DENND11: variants seen among roughly 807,000 people sequenced by gnomAD.
DENND11 encodes the protein DENN domain-containing protein 11.
Under a neutral mutation model 49.2 loss-of-function variants are expected in DENND11, and 34 were observed. That is an observed-to-expected ratio of 0.69 (90% CI 0.53 to 0.92). The LOEUF (loss-of-function observed/expected upper bound fraction) is 0.92. Among genes scored for constraint, DENND11 ranks in the 40% least tolerant of loss-of-function variants. The probability of loss-of-function intolerance (pLI) is 0.00; values close to 1 mark genes in which losing one functional copy is unlikely to be tolerated. For synonymous variants in DENND11, 238 were observed against 230.3 expected (o/e 1.03, Z -0.30); for missense variants, 475 against 581.6 (o/e 0.82, Z 1.88).
In DENND11 at chr7:141,661,493, C is replaced by T. The variant is rs1191521827; in HGVS notation, c.*1163G>A. The stretch of plus-strand genomic sequence containing the variant: ...CCACTGTCCCGGGTGAAGGCACTGC[C>T]ACATTTTCTCTCAACAAATCTGTTA... On this transcript the variant is annotated 3_prime_UTR_variant, in exon 9 of 9. Transcript: ENST00000536163. 6.6e-6 allele frequency: 1 copy of T among 152,226 alleles called. No homozygotes were observed. Among genetic ancestry groups the T allele is most frequent in the African/African-American group, 2.4e-5 (1 of 41,428 alleles). The allele number at this position is 152,226 out of a possible 1,614,324, so 9.4% of individuals were successfully genotyped here.
intron 3 of DENND11, among the ~76,000 whole-genome samples, chr7:141,676,162 C>G (rs1798057755): frequency 6.6e-6 from 1 of 152,192 alleles, no homozygotes; most frequent in Non-Finnish European, 1.5e-5. Context: ...CTAAAAAGAA[C>G]ACTGAGAATC....
At position 141,660,744 on chromosome 7, in the gene DENND11, T is replaced by A. The variant is rs567399658; in HGVS notation, c.*1912A>T. On this transcript the variant is annotated 3_prime_UTR_variant, in exon 9 of 9. Transcript: ENST00000536163. ...CTCAGGATACCACGAAAAATAACCA[T>A]TACTTGACAGAAAGGACCCCTCAAC... 1 of 152,576 alleles carries A rather than the reference T, an allele frequency of 6.6e-6. No homozygotes were observed. The highest frequency in any genetic ancestry group is 2.4e-5 in the African/African-American group (1 of 41,508). The allele number at this position is 152,576 out of a possible 1,614,324, so 9.5% of individuals were successfully genotyped here. A position where few individuals can be genotyped will look rare whatever the true frequency, so the allele number is the denominator to read the frequency against.
chr7:141,662,924 G>C, intron 8 of DENND11, 73 bp from the exon 9 acceptor site: 1 of 1,149,650 alleles, frequency 8.7e-7, no homozygotes, highest in Non-Finnish European at 1.2e-6. Context: ...TCCACATATG[G>C]GGAACCAAAA....
chr7:141,664,499 C>T (rs1459297740), intron 7 of DENND11, among the ~76,000 whole-genome samples: 2 of 152,146 alleles, frequency 1.3e-5, no homozygotes, highest in African/African-American at 2.4e-5. Context: ...CACAGGATCA[C>T]CAGATTATTG....
chr7:141,701,730 C>G, intron 1 of DENND11, 156 bp downstream of exon 1: 1 of 564,584 alleles, frequency 1.8e-6, no homozygotes, highest in Non-Finnish European at 2.4e-6. Flanking sequence ...TGGCCGACCC[C>G]CGCCCTTCCC....
chr7:141,700,544 A>G (rs1272771700), intron 1 of DENND11, among the ~76,000 whole-genome samples: 2 of 152,106 alleles, frequency 1.3e-5, no homozygotes, highest in Non-Finnish European at 2.9e-5. Flanking sequence ...CTACTTCATG[A>G]AATGTCTATT....
Position 141,674,107 on chromosome 7 carries a change from C to T in DENND11, c.641G>A (p.Trp214Ter), listed in dbSNP as rs1000982752. The T allele has an allele frequency of 3.7e-6, 6 of 1,602,458 alleles. No homozygotes were observed. The highest frequency in any genetic ancestry group is 5.1e-6 in the Non-Finnish European group (6 of 1,174,810). Residue 214 changes from tryptophan to a stop codon, truncating the protein, a stop_gained, in exon 4 of 9, where the codon TGG becomes TAG. Coordinates refer to ENST00000536163, the MANE Select transcript of DENND11 (RefSeq NM_001080392.2). LOFTEE classifies it high-confidence loss of function. Reference protein sequence around the residue: ...GRGSSLPPVYWLPSIHRYMYP... With the variant: ...GRGSSLPPVY The stretch of plus-strand genomic sequence containing the variant: ...CATGTATCGGTGGATGGAAGGCAGC[C>T]AGTAGACAGGGGGCAGGCTGCTGCC...
At chr7:141,685,273 C>G (rs1171593354) in intron 3 of DENND11, among the ~76,000 whole-genome samples, 1 of 152,008 alleles carries the variant, frequency 6.6e-6, no homozygotes, top group Non-Finnish European at 1.5e-5. Context: ...GAATATACCC[C>G]AGCTTTCATT....
chr7:141,699,338 C>T (rs1479670395), intron 1 of DENND11, among the ~76,000 whole-genome samples: 1 of 152,078 alleles, frequency 6.6e-6, no homozygotes, highest in Non-Finnish European at 1.5e-5. Flanking sequence ...CTCTGAGGGC[C>T]CTGTCCTAGT....
intron 3 of DENND11, among the ~76,000 whole-genome samples, chr7:141,682,749 T>C (rs1029136316): frequency 1.3e-5 from 2 of 152,172 alleles, no homozygotes; most frequent in South Asian, 4.1e-4. Flanking sequence ...AATCCGGCCA[T>C]AGTAATTTTG....
rs1273010016 is a variant in DENND11 at position 141,661,619 on chromosome 7, T to A, written c.*1037A>T. 6.6e-6 allele frequency: 1 copy of A among 152,236 alleles called. No individual in the cohort carries two copies. The highest frequency in any genetic ancestry group is 1.5e-5 in the Non-Finnish European group (1 of 68,060). The allele number at this position is 152,236 out of a possible 1,614,324, so 9.4% of individuals were successfully genotyped here. A position where few individuals can be genotyped will look rare whatever the true frequency, so the allele number is the denominator to read the frequency against. ...ATGATAAACCGTCTTGTTAGCATCA[T>A]GCTCCACCCTCTGAGTTAACCAGCT... On this transcript the variant is annotated 3_prime_UTR_variant, in exon 9 of 9. Coordinates refer to ENST00000536163, the MANE Select transcript of DENND11 (RefSeq NM_001080392.2).
At chr7:141,666,606 G>A (rs1387080730) in intron 4 of DENND11, among the ~76,000 whole-genome samples, 181 bp from the exon 5 acceptor site, 2 of 152,066 alleles carry the variant, frequency 1.3e-5, no homozygotes, top group Non-Finnish European at 2.9e-5. Context: ...CTTTAAACTG[G>A]ATTTCTATAA....
chr7:141,686,928 G>A (rs1188430963), intron 1 of DENND11, among the ~76,000 whole-genome samples: 1 of 152,102 alleles, frequency 6.6e-6, no homozygotes, highest in Non-Finnish European at 1.5e-5. Flanking sequence ...CTGTCATTCT[G>A]CTCAACCACT....
chr7:141,662,635 T>G lies in DENND11; in HGVS notation c.*21A>C. ...CTGCTGACATCCCACGTGAAGTGGC[T>G]CCCAGTCCTGTTGGCTCCTCCTACG... On this transcript the variant is annotated 3_prime_UTR_variant, in exon 9 of 9. Coordinates refer to ENST00000536163, the MANE Select transcript of DENND11 (RefSeq NM_001080392.2). 1 of 1,524,362 alleles carries G rather than the reference T, an allele frequency of 6.6e-7. No individual in the cohort carries two copies. Among genetic ancestry groups the G allele is most frequent in the Non-Finnish European group, 8.8e-7 (1 of 1,137,090 alleles). The allele number at this position is 1,524,362 out of a possible 1,614,324, so 94.4% of individuals were successfully genotyped here.
intron 3 of DENND11, among the ~76,000 whole-genome samples, chr7:141,675,485 T>A (rs1384842029): frequency 6.6e-6 from 1 of 152,204 alleles, no homozygotes; most frequent in Non-Finnish European, 1.5e-5. Context: ...TTTCTCAGTG[T>A]CCTACAATTT....
chr7:141,669,809 A>AGTT (rs1797950408), intron 4 of DENND11, among the ~76,000 whole-genome samples: 1 of 116,272 alleles, frequency 8.6e-6, no homozygotes, highest in Non-Finnish European at 1.7e-5. Context: ...CATACATGCT[A>AGTT]TTTTTTTTTT....
At chr7:141,680,307 C>G (rs2117066994) in intron 3 of DENND11, among the ~76,000 whole-genome samples, 1 of 152,158 alleles carries the variant, frequency 6.6e-6, no homozygotes, top group South Asian at 2.1e-4. Flanking sequence ...AAATAACATG[C>G]TATCTTTTGC....
chr7:141,690,181 G>C (rs1798304560), intron 1 of DENND11, among the ~76,000 whole-genome samples: 1 of 152,174 alleles, frequency 6.6e-6, no homozygotes, highest in South Asian at 2.1e-4. Flanking sequence ...AGAGTGGTGA[G>C]GGGCAGCAGC....
rs1482849939 is a variant in DENND11, at chr7:141,662,844, G to C, written c.1180C>G (p.Leu394Val). 1 of 1,544,476 alleles carries C rather than the reference G, an allele frequency of 6.5e-7. No homozygotes were observed. The highest frequency in any genetic ancestry group is 2.4e-5 in the East Asian group (1 of 41,662). ...TGAAATATCCGGTTGTTTTGTTCTA[G>C]GAAAAACCTGCATTTGGAAGACAAG... The part of the protein sequence containing the change: ...CEEDLFVLFF[L>V]EQNNRIFQTL... The change falls in exon 9 of 9, where the codon CTA (leucine) becomes GTA (valine). Residue 394 changes from leucine to valine, a missense_variant. Leu to Val is a conservative substitution (Grantham distance 32). Coordinates refer to ENST00000536163, the MANE Select transcript of DENND11 (RefSeq NM_001080392.2).
Sources: allele counts gnomAD v4.1 joint callset (sites outside exome capture counted in the v4.1 genomes callset), GRCh38; gene constraint gnomAD v4.1.1; transcripts MANE v1.5; gene names NCBI Gene and HGNC (gene_info 2026-07-23, HGNC 2026-07-21).